The following ZAP70 variants were observed in gnomAD, a reference collection of about 807,000 sequenced individuals.
ZAP70 encodes zeta chain of T cell receptor associated protein kinase 70.
In ZAP70, 27 loss-of-function variants were observed where a neutral mutation model predicts 65.8. The observed-to-expected ratio is 0.41, with a 90% CI of 0.30 to 0.57. ZAP70 has a LOEUF of 0.57. ZAP70 is among the 20% of genes least tolerant of loss of function. The pLI, the probability that ZAP70 is intolerant of heterozygous loss-of-function variation, is 0.28. For missense variants in ZAP70, 696 were observed against 870.5 expected (o/e 0.80, Z 2.52); for synonymous variants, 363 against 360.8 (o/e 1.01, Z -0.07).
At chr2:97,714,265 G>A (rs559267186) in intron 2 of ZAP70, among the ~76,000 whole-genome samples, 71 of 152,200 alleles carry the variant, frequency 4.7e-4, no homozygotes, top group Middle Eastern at 3.4e-3. Context: ...GCTCCTGCTG[G>A]GCCCTGTTTG....
intron 2 of ZAP70, among the ~76,000 whole-genome samples, chr2:97,714,873 G>C (rs545150093): frequency 2.0e-5 from 3 of 152,148 alleles, no homozygotes; most frequent in African/African-American, 4.8e-5. Flanking sequence ...GCAGTGTTGC[G>C]GGGGTGGTGT....
chr2:97,717,952 G>A (rs1033787381), intron 2 of ZAP70, among the ~76,000 whole-genome samples: 11 of 152,214 alleles, frequency 7.2e-5, no homozygotes, highest in African/African-American at 2.2e-4. Context: ...CAGGTGCCCC[G>A]TGGCTGCTCT....
chr2:97,714,729 G>A (rs889141894), intron 2 of ZAP70, among the ~76,000 whole-genome samples: 1 of 152,194 alleles, frequency 6.6e-6, no homozygotes, highest in African/African-American at 2.4e-5. Flanking sequence ...CAGACAGGAG[G>A]TGTTTAATAA....
chr2:97,723,549 C>T (rs945179002), intron 2 of ZAP70, among the ~76,000 whole-genome samples: 1 of 152,258 alleles, frequency 6.6e-6, no homozygotes, highest in Non-Finnish European at 1.5e-5. Context: ...CCACTTATTT[C>T]CTTTGTAATG....
chr2:97,735,317 A>T lies in ZAP70; in HGVS notation c.1150A>T (p.Met384Leu). Residue 384 changes from methionine (M) to leucine (L), a missense_variant, in exon 10 of 14, where the codon ATG (methionine) becomes TTG (leucine). Met to Leu is a conservative substitution (Grantham distance 15). Transcript: ENST00000264972. ...GGAGAAGGCAGACACGGAAGAGATG[A>T]TGCGCGAGGCGCAGATCATGCACCA... Reference protein sequence around the residue: ...GTEKADTEEMMREAQIMHQLD... With the variant: ...GTEKADTEEMLREAQIMHQLD... 6.2e-7 allele frequency: 1 copy of T among 1,614,154 alleles called. No individual in the cohort carries two copies.
In ZAP70 at chr2:97,733,224, AGGCG is replaced by A. The variant is rs1236835366; in HGVS notation, c.790+22_790+25del. 2 of 1,612,172 alleles carry A rather than the reference AGGCG, an allele frequency of 1.2e-6. No individual in the cohort carries two copies. Among genetic ancestry groups the A allele is most frequent in the Admixed American group, 1.7e-5 (1 of 59,908 alleles). ...CAGCAACGCCTCAGGTGACGGCAGCAGGCGGGCGGGCGGTGGGCGGGGGCGGCAG... is the reference window on the plus strand; with the variant it reads ...CAGCAACGCCTCAGGTGACGGCAGCAGGCGGGCGGTGGGCGGGGGCGGCAG... On this transcript the variant is annotated intron_variant, in intron 6 of 13. Coordinates refer to ENST00000264972, the MANE Select transcript of ZAP70 (RefSeq NM_001079.4).
chr2:97,719,177 A>G (rs1677063315), intron 2 of ZAP70, among the ~76,000 whole-genome samples: 1 of 152,140 alleles, frequency 6.6e-6, no homozygotes, highest in African/African-American at 2.4e-5. Flanking sequence ...CAGCATGAGC[A>G]TGCCATCTGG....
chr2:97,726,663 T>C (rs1029302125), intron 4 of ZAP70, among the ~76,000 whole-genome samples: 1 of 152,256 alleles, frequency 6.6e-6, no homozygotes, highest in African/African-American at 2.4e-5. Flanking sequence ...CAAGATTCTG[T>C]TGTGGGCTGA....
chr2:97,724,958 T>C, intron 3 of ZAP70, 134 bp from the exon 4 acceptor site: 1 of 1,536,198 alleles, frequency 6.5e-7, no homozygotes, highest in Middle Eastern at 1.7e-4. Flanking sequence ...GAGGTAGTCC[T>C]CGAAAACCTG....
chr2:97,749,674 C>T, the ZAP70 span, among the ~76,000 whole-genome samples: 91 of 152,352 alleles, frequency 6.0e-4, no homozygotes, highest in East Asian at 0.012. Context: ...GAATCTGATG[C>T]AGCCTCCTCT....
the ZAP70 span, chr2:97,756,186 T>TTAGAC: frequency 5.9e-5 from 9 of 152,244 alleles, 2 homozygotes. Flanking sequence ...CAGAACTCCA[T>TTAGAC]TAGACTGCAG....
chr2:97,729,558 C>A (rs564503004), intron 4 of ZAP70, among the ~76,000 whole-genome samples: 174 of 152,038 alleles, frequency 1.1e-3, no homozygotes, highest in Non-Finnish European at 1.9e-3. Context: ...AAATTGTAGC[C>A]CTTTTGTTTT....
rs550162990 is a variant in ZAP70 at position 97,717,164 on chromosome 2, G to A, written c.-22+3170G>A. Among the ~76,000 whole-genome samples the A allele has an allele frequency of 3.5e-3, 528 of 152,104 alleles. 3 individuals are homozygous for A. Among genetic ancestry groups the A allele is most frequent in the Middle Eastern group, 6.8e-3 (2 of 294 alleles). ...CACAGCTGGGGGATTAAGGAGCAGG[G>A]AACATGGCTTCAGAGGGACTTAGGG... On this transcript the variant is annotated intron_variant, in intron 2 of 13. Coordinates refer to ENST00000264972, the MANE Select transcript of ZAP70 (RefSeq NM_001079.4).
the ZAP70 span, among the ~76,000 whole-genome samples, chr2:97,747,037 G>A: frequency 5.9e-5 from 9 of 152,254 alleles, no homozygotes; most frequent in Admixed American, 4.6e-4. Flanking sequence ...AAAAAAAAAG[G>A]TAAAGGAAAA....
At position 97,725,018 on chromosome 2, in the gene ZAP70, A is replaced by G; in HGVS notation, c.403-74A>G. On this transcript the variant is annotated intron_variant, in intron 3 of 13. Coordinates refer to ENST00000264972, the MANE Select transcript of ZAP70 (RefSeq NM_001079.4). ...GGTGGGGTGGGGAGTCCTCTGGGAC[A>G]GGGCTCCCGGAAGGGGGTTCCTGTG... is the stretch of plus-strand genomic sequence containing the variant. 5 of 1,597,694 alleles carry G rather than the reference A, an allele frequency of 3.1e-6. No individual in the cohort carries two copies. The South Asian group carries it at 5.6e-5, about 18-fold the overall frequency.
At chr2:97,724,899 G>T (rs1482213001) in intron 3 of ZAP70, 193 bp from the exon 4 acceptor site, 1 of 1,533,382 alleles carries the variant, frequency 6.5e-7, no homozygotes, top group South Asian at 1.2e-5. Context: ...GGAAGGTGGG[G>T]GTGGTTCCTC....
chr2:97,730,606 C>G (rs981011535), intron 4 of ZAP70, among the ~76,000 whole-genome samples: 1 of 152,166 alleles, frequency 6.6e-6, no homozygotes, highest in Non-Finnish European at 1.5e-5. Context: ...GTCCTGTTAG[C>G]AAGGCACATG....
At chr2:97,724,929 G>C (rs1559320811) in intron 3 of ZAP70, 163 bp from the exon 4 acceptor site, 1 of 1,533,894 alleles carries the variant, frequency 6.5e-7, no homozygotes, top group Admixed American at 2.0e-5. Context: ...ATTGGGGAGG[G>C]GACCACGGAG....
rs753212430 is a variant in ZAP70 at position 97,734,665 on chromosome 2, C to G, written c.1035C>G (p.Gly345=). Residue 345 remains glycine (G), a synonymous_variant, in exon 9 of 14, where the codon GGC becomes GGG. Coordinates refer to ENST00000264972, the MANE Select transcript of ZAP70 (RefSeq NM_001079.4). ...TCCTCATAGCTGACATTGAACTTGG[C>G]TGCGGCAACTTTGGCTCAGTGCGCC... ...DNLLIADIEL[G]CGNFGSVRQG... 1 of 1,614,090 alleles carries G rather than the reference C, an allele frequency of 6.2e-7. No individual in the cohort carries two copies. The highest frequency in any genetic ancestry group is 8.5e-7 in the Non-Finnish European group (1 of 1,180,046).
Sources: gnomAD v4.1 joint callset for allele counts (sites outside exome capture counted in the v4.1 genomes callset) on GRCh38, gnomAD v4.1.1 for gene constraint, MANE v1.5 for transcripts, NCBI Gene and HGNC (gene_info 2026-07-23, HGNC 2026-07-21) for gene names.